The following GTF3C2 variants were observed in gnomAD, a reference collection of about 807,000 sequenced individuals.
GTF3C2 encodes general transcription factor 3C polypeptide 2.
In GTF3C2, 17 loss-of-function variants were observed where a neutral mutation model predicts 117.4. The ratio of observed to expected loss-of-function variants is 0.14; its 90% CI spans 0.10 to 0.22. The LOEUF (loss-of-function observed/expected upper bound fraction) is 0.22, where lower values mean the gene tolerates loss of function less well. Among genes scored for constraint, GTF3C2 ranks in the 10% least tolerant of loss-of-function variants. The probability of loss-of-function intolerance (pLI) is 1.00; values close to 1 mark genes in which losing one functional copy is unlikely to be tolerated. For synonymous variants in GTF3C2, 437 were observed against 427.0 expected, an observed-to-expected ratio of 1.02 and a Z score of -0.29; for missense variants, 888 against 1,143.6, an observed-to-expected ratio of 0.78 and a Z score of 3.22.
chr2:27,333,602 T>C, intron 12 of GTF3C2, 53 bp downstream of exon 12: 1 of 1,235,440 alleles, frequency 8.1e-7, no homozygotes, highest in Non-Finnish European at 1.2e-6. Flanking sequence ...AACAAGCATA[T>C]ATAAAAAATT....
intron 1 of GTF3C2, among the ~76,000 whole-genome samples, chr2:27,345,122 A>G: frequency 6.6e-6 from 1 of 150,542 alleles, no homozygotes; most frequent in Non-Finnish European, 1.5e-5. Flanking sequence ...CTTTGCTACA[A>G]AAAAACATGG....
At chr2:27,351,862 C>A (rs952545848) in intron 1 of GTF3C2, among the ~76,000 whole-genome samples, 1 of 152,106 alleles carries the variant, frequency 6.6e-6, no homozygotes, top group African/African-American at 2.4e-5. Context: ...TGCAGACCAA[C>A]AGTCCCACAC....
chr2:27,349,503 A>G (rs1485488976), intron 1 of GTF3C2, among the ~76,000 whole-genome samples: 1 of 152,166 alleles, frequency 6.6e-6, no homozygotes, highest in Non-Finnish European at 1.5e-5. Context: ...GCCTAAAACA[A>G]AATAACTCAA....
intron 1 of GTF3C2, among the ~76,000 whole-genome samples, chr2:27,345,581 A>T (rs947129289): frequency 6.6e-6 from 1 of 151,990 alleles, no homozygotes; most frequent in Non-Finnish European, 1.5e-5. Context: ...TGACAGAGTG[A>T]GACTCTGTCT....
chr2:27,333,619 G>C, intron 12 of GTF3C2, 36 bp downstream of exon 12: 1 of 1,476,386 alleles, frequency 6.8e-7, no homozygotes, highest in Non-Finnish European at 9.4e-7. Flanking sequence ...AATTTAAAGA[G>C]CAATAGTTCC....
At chr2:27,345,585 T>C (rs1322874886) in intron 1 of GTF3C2, among the ~76,000 whole-genome samples, 1 of 151,946 alleles carries the variant, frequency 6.6e-6, no homozygotes, top group East Asian at 1.9e-4. Context: ...AGAGTGAGAC[T>C]CTGTCTTTAA....
exon 19 of GTF3C2, chr2:27,326,087 C>T: frequency 2.5e-6 from 1 of 400,640 alleles, no homozygotes; most frequent in Non-Finnish European, 5.1e-6. Context: ...ACTTCGTAAG[C>T]AGGAGCAAGT....
intron 1 of GTF3C2, among the ~76,000 whole-genome samples, chr2:27,344,699 A>G (rs1188715571): frequency 6.6e-6 from 1 of 152,210 alleles, no homozygotes; most frequent in African/African-American, 2.4e-5. Flanking sequence ...AGAATAAGTA[A>G]AAGGCCAGGC....
At chr2:27,343,518 C>T in exon 2 of GTF3C2, 2 of 1,613,760 alleles carry the variant, frequency 1.2e-6, no homozygotes, top group Non-Finnish European at 1.7e-6. Flanking sequence ...GGGCCGGCCT[C>T]CCCCAGGGCA....
Position 27,342,067 on chromosome 2 carries a change from C to T in GTF3C2, c.736G>A (p.Glu246Lys), listed in dbSNP as rs778163329. The change falls in exon 4 of 19, where the codon GAA becomes AAA. Residue 246 changes from glutamate (E) to lysine (K), a missense_variant. Transcript: ENST00000264720. ...GCCTCAACCTGGAGAAAAAAGTCTT[C>T]ATCCCGTGGAGCACCATCCACCTCT... 1.2e-6 allele frequency: 2 copies of T among 1,614,178 alleles called. No individual in the cohort carries two copies. Among genetic ancestry groups the T allele is most frequent in the Admixed American group, 3.3e-5 (2 of 60,010 alleles).
At chr2:27,345,045 A>C (rs192553703) in intron 1 of GTF3C2, among the ~76,000 whole-genome samples, 2 of 152,118 alleles carry the variant, frequency 1.3e-5, no homozygotes, top group East Asian at 3.9e-4. Flanking sequence ...GCACTTTGAG[A>C]GGACAAGGCA....
chr2:27,333,571 C>A, intron 12 of GTF3C2, 84 bp downstream of exon 12: 1 of 871,592 alleles, frequency 1.1e-6, no homozygotes, highest in Non-Finnish European at 1.9e-6. Flanking sequence ...CAGTATTGAA[C>A]CACCAAAGAA....
Position 27,329,264 on chromosome 2 carries a change from C to G in GTF3C2, c.1896G>C (p.Ala632=). ...AGAATTTGATTTTCCGGTCACTCCC[C>G]GCAGAGACAAGGAAATGGCTGTAAA... is the stretch of plus-strand genomic sequence containing the variant. Residue 632 remains alanine, a synonymous_variant, in exon 14 of 19, where the codon GCG becomes GCC. Transcript: ENST00000264720. This position sits in a 1 kb window ranked among gnomAD's most constrained non-coding sequence, Gnocchi z 4.5. 6.2e-7 allele frequency: 1 copy of G among 1,614,166 alleles called. No homozygotes were observed. The highest frequency in any genetic ancestry group is 8.5e-7 in the Non-Finnish European group (1 of 1,180,028).
At chr2:27,345,839 G>A (rs1209095157) in intron 1 of GTF3C2, among the ~76,000 whole-genome samples, 2 of 147,414 alleles carry the variant, frequency 1.4e-5, no homozygotes, top group African/African-American at 2.5e-5. Flanking sequence ...TCGGCCTTCC[G>A]AGTAGCTGGG....
At chr2:27,332,680 C>T (rs1680319074) in intron 12 of GTF3C2, among the ~76,000 whole-genome samples, 1 of 152,058 alleles carries the variant, frequency 6.6e-6, no homozygotes, top group Non-Finnish European at 1.5e-5. Flanking sequence ...TCCCAGAGTG[C>T]TGGGATTACA....
In GTF3C2 at chr2:27,346,667, C is replaced by G. The variant is rs909932209; in HGVS notation, c.-24-3089G>C. 2.0e-5 allele frequency among the ~76,000 whole-genome samples: 3 copies of G among 151,496 alleles called. No individual in the cohort carries two copies. The Admixed American group carries it at 2.0e-4, about 10-fold the overall frequency. On this transcript the variant is annotated intron_variant, in intron 1 of 18. Coordinates refer to ENST00000264720, the Ensembl canonical transcript of GTF3C2. ...GGATTACAGGCATAAACCACTATGC[C>G]TTGCCTTTTTTAATTTTTAAAAATT...
intron 4 of GTF3C2, chr2:27,340,177 A>G (rs1680671263): frequency 6.6e-6 from 1 of 152,010 alleles, no homozygotes; most frequent in African/African-American, 2.4e-5. Flanking sequence ...ATTCTCTTAC[A>G]TATTCCATTA....
intron 1 of GTF3C2, among the ~76,000 whole-genome samples, chr2:27,354,739 T>C (rs955326449): frequency 1.3e-5 from 2 of 152,014 alleles, no homozygotes; most frequent in Non-Finnish European, 1.5e-5. Context: ...CCAGCCTGAG[T>C]GACAGAGGAA....
chr2:27,338,514 T>C (rs1421217668), intron 4 of GTF3C2, among the ~76,000 whole-genome samples: 1 of 152,168 alleles, frequency 6.6e-6, no homozygotes, highest in Non-Finnish European at 1.5e-5. Flanking sequence ...GTCCCATGGC[T>C]TTGACTACTG....
Sources: allele counts gnomAD v4.1 joint callset (sites outside exome capture counted in the v4.1 genomes callset), GRCh38; gene constraint gnomAD v4.1.1; non-coding constraint Gnocchi (gnomAD v3.1); transcripts MANE v1.5; gene names NCBI Gene and HGNC (gene_info 2026-07-23, HGNC 2026-07-21).